CPEB3: variants seen among roughly 807,000 people sequenced by gnomAD.
The protein encoded by CPEB3 is cytoplasmic polyadenylation element-binding protein 3.
A neutral mutation model predicts 67.2 loss-of-function variants in CPEB3; 20 were observed. The ratio of observed to expected loss-of-function variants is 0.30; its 90% CI spans 0.21 to 0.43. The LOEUF (loss-of-function observed/expected upper bound fraction) is 0.43. Ranked by LOEUF, CPEB3 falls within the 20% of genes least tolerant of loss-of-function variation. The pLI, the probability that CPEB3 is intolerant of heterozygous loss-of-function variation, is 1.00. For synonymous variants in CPEB3, 376 were observed against 393.1 expected, an observed-to-expected ratio of 0.96 and a Z score of 0.51; for missense variants, 746 against 968.6, an observed-to-expected ratio of 0.77 and a Z score of 3.05.
chr10:92,244,315 C>A (rs1851968695), intron 1 of CPEB3, among the ~76,000 whole-genome samples: 1 of 151,512 alleles, frequency 6.6e-6, no homozygotes, highest in South Asian at 2.1e-4. Flanking sequence ...CCACTGCACT[C>A]CAGCCTGGGT....
At chr10:92,241,125 C>G (rs1851832362) in intron 1 of CPEB3, among the ~76,000 whole-genome samples, 1 of 152,142 alleles carries the variant, frequency 6.6e-6, no homozygotes, top group Non-Finnish European at 1.5e-5. Context: ...TCTTGTTACT[C>G]TAAGGATTAT....
intron 4 of CPEB3, among the ~76,000 whole-genome samples, chr10:92,152,379 G>A (rs891665713): frequency 9.2e-5 from 14 of 152,098 alleles, no homozygotes; most frequent in African/African-American, 2.7e-4. Flanking sequence ...CATATAAATG[G>A]TATCATACAA....
intron 2 of CPEB3, among the ~76,000 whole-genome samples, chr10:92,211,519 T>C (rs1179164758): frequency 6.6e-6 from 1 of 152,036 alleles, no homozygotes; most frequent in Non-Finnish European, 1.5e-5. Flanking sequence ...CAACAGCTCA[T>C]TCAAACATAT....
At chr10:92,236,122 T>C (rs1408194803) in intron 2 of CPEB3, among the ~76,000 whole-genome samples, 1 of 152,228 alleles carries the variant, frequency 6.6e-6, no homozygotes, top group Non-Finnish European at 1.5e-5. Context: ...GCTCTGTTGC[T>C]GAGAGGTACA....
intron 6 of CPEB3, among the ~76,000 whole-genome samples, chr10:92,122,344 C>T (rs1009951964): frequency 2.0e-5 from 3 of 152,172 alleles, no homozygotes; most frequent in East Asian, 1.9e-4. Flanking sequence ...ACTTGGACAA[C>T]GGTGAGCAGA....
chr10:92,224,453 T>C (rs1032152607), intron 2 of CPEB3, among the ~76,000 whole-genome samples: 12 of 152,166 alleles, frequency 7.9e-5, no homozygotes, highest in South Asian at 2.1e-4. Context: ...GTGGCACTTA[T>C]CTACTTCTCC....
intron 3 of CPEB3, among the ~76,000 whole-genome samples, chr10:92,182,782 C>T (rs1183223811): frequency 6.7e-6 from 1 of 148,198 alleles, no homozygotes; most frequent in Non-Finnish European, 1.5e-5. Context: ...GCCGAGATTG[C>T]GCCACTGTAC....
intron 1 of CPEB3, among the ~76,000 whole-genome samples, chr10:92,262,932 T>A (rs577545912): frequency 1.1e-4 from 16 of 152,238 alleles, no homozygotes; most frequent in Admixed American, 7.9e-4. Context: ...AAAAAAATCC[T>A]CCTGCCTCTT....
intron 9 of CPEB3, among the ~76,000 whole-genome samples, chr10:92,074,146 A>G (rs1842857990): frequency 6.6e-6 from 1 of 151,492 alleles, no homozygotes; most frequent in Non-Finnish European, 1.5e-5. Context: ...AGATCTCGCT[A>G]CATTGCCCAG....
chr10:92,231,737 T>C (rs1006906393), intron 2 of CPEB3, among the ~76,000 whole-genome samples: 9 of 152,038 alleles, frequency 5.9e-5, no homozygotes, highest in Non-Finnish European at 1.3e-4. Flanking sequence ...CTTTTCTTTT[T>C]AAGACAGAGT....
At chr10:92,054,282 G>A (rs1314597309) in intron 9 of CPEB3, among the ~76,000 whole-genome samples, 1 of 149,546 alleles carries the variant, frequency 6.7e-6, no homozygotes, top group Admixed American at 6.7e-5. Context: ...TGTTTCCCTG[G>A]CTCTTAAAGA....
chr10:92,193,946 G>A (rs1163800236), intron 2 of CPEB3, among the ~76,000 whole-genome samples: 5 of 151,418 alleles, frequency 3.3e-5, no homozygotes, highest in African/African-American at 9.7e-5. Context: ...ACAGGCACCC[G>A]CCACCATGCC....
intron 2 of CPEB3, among the ~76,000 whole-genome samples, chr10:92,214,915 T>C (rs1343767844): frequency 2.6e-5 from 4 of 152,150 alleles, no homozygotes; most frequent in African/African-American, 9.7e-5. Context: ...TGGTGCAATC[T>C]TGGCTCACTG....
At chr10:92,123,112 T>G (rs1169742032) in intron 6 of CPEB3, among the ~76,000 whole-genome samples, 1 of 151,918 alleles carries the variant, frequency 6.6e-6, no homozygotes, top group African/African-American at 2.4e-5. Flanking sequence ...CACCTCAGAG[T>G]TCAAAATTGG....
chr10:92,189,698 ATTTTTT>A (rs1035403421), intron 3 of CPEB3, among the ~76,000 whole-genome samples: 13 of 88,054 alleles, frequency 1.5e-4, no homozygotes, highest in African/African-American at 3.1e-4. Context: ...GTCTCTAGTG[ATTTTTT>A]TTTTTTTTTT....
intron 1 of CPEB3, among the ~76,000 whole-genome samples, chr10:92,279,124 G>A (rs1415400299): frequency 6.6e-6 from 1 of 152,114 alleles, no homozygotes; most frequent in Non-Finnish European, 1.5e-5. Context: ...CCTGATCATA[G>A]GGGGAAAGCA....
chr10:92,081,552 C>T (rs745741981), intron 8 of CPEB3, 51 bp from the exon 9 acceptor site: 1 of 1,489,502 alleles, frequency 6.7e-7, no homozygotes, highest in Non-Finnish European at 9.2e-7. Flanking sequence ...GGGAGGTACT[C>T]TTGCCCAGGA....
intron 7 of CPEB3, among the ~76,000 whole-genome samples, chr10:92,098,511 G>A (rs139242404): frequency 1.4e-3 from 207 of 152,134 alleles, no homozygotes; most frequent in Middle Eastern, 6.8e-3. Context: ...GTTTCTCCAT[G>A]TTGGTCGGGA....
At chr10:92,069,023 G>A (rs917516075) in intron 9 of CPEB3, among the ~76,000 whole-genome samples, 1 of 152,194 alleles carries the variant, frequency 6.6e-6, no homozygotes, top group Non-Finnish European at 1.5e-5. Context: ...TAAAGGCTGG[G>A]TTGTATGAAT....
Sources: gnomAD v4.1 joint callset for allele counts (sites outside exome capture counted in the v4.1 genomes callset) on GRCh38, gnomAD v4.1.1 for gene constraint, MANE v1.5 for transcripts, NCBI Gene and HGNC (gene_info 2026-07-23, HGNC 2026-07-21) for gene names.